Variants in XPO6 observed in about 807,000 individuals in gnomAD.
XPO6 encodes exportin-6.
Under a neutral mutation model 130.0 loss-of-function variants are expected in XPO6, and 3 were observed. That is an observed-to-expected ratio of 0.02 (90% CI 0.01 to 0.06). XPO6 has a LOEUF of 0.06. Among genes scored for constraint, XPO6 ranks in the 10% least tolerant of loss-of-function variants. The pLI, the probability that XPO6 is intolerant of heterozygous loss-of-function variation, is 1.00. For missense variants in XPO6, 970 were observed against 1,393.0 expected (o/e 0.70, Z 4.83); for synonymous variants, 524 against 548.9 (o/e 0.95, Z 0.63).
intron 21 of XPO6, among the ~76,000 whole-genome samples, chr16:28,103,837 T>A (rs200341768): frequency 6.6e-6 from 1 of 152,126 alleles, no homozygotes; most frequent in East Asian, 1.9e-4. Context: ...TGTGTGCTAG[T>A]AGGGAGCTGG....
At chr16:28,176,211 G>A in intron 3 of XPO6, 116 bp from the exon 4 acceptor site, 1 of 923,902 alleles carries the variant, frequency 1.1e-6, no homozygotes, top group East Asian at 2.6e-5. Context: ...TTAAATAAAG[G>A]TTTGGGGCAA....
intron 12 of XPO6, among the ~76,000 whole-genome samples, chr16:28,129,152 T>C (rs868311129): frequency 6.6e-5 from 10 of 152,356 alleles, no homozygotes; most frequent in Middle Eastern, 3.4e-3. Flanking sequence ...CACATATGTG[T>C]ATCTAAGATC....
At chr16:28,208,293 C>T (rs771956743) in intron 1 of XPO6, among the ~76,000 whole-genome samples, 1 of 152,222 alleles carries the variant, frequency 6.6e-6, no homozygotes, top group Non-Finnish European at 1.5e-5. Context: ...AGGGCTCAAA[C>T]TTATGCCAAC....
chr16:28,152,555 A>G, intron 8 of XPO6, 104 bp downstream of exon 8: 2 of 1,372,762 alleles, frequency 1.5e-6, no homozygotes, highest in South Asian at 1.4e-5. Flanking sequence ...TAAGCATTAT[A>G]TTAATGTTTG....
At chr16:28,169,486 C>A (rs1487836262) in intron 5 of XPO6, among the ~76,000 whole-genome samples, 1 of 152,180 alleles carries the variant, frequency 6.6e-6, no homozygotes, top group Non-Finnish European at 1.5e-5. Context: ...TAGGTATACT[C>A]CTATGACCTG....
chr16:28,117,802 C>T (rs145505564), intron 14 of XPO6, among the ~76,000 whole-genome samples: 4 of 152,172 alleles, frequency 2.6e-5, no homozygotes, highest in Admixed American at 1.3e-4. Context: ...AGAACTAGTA[C>T]AAATTTAACA....
Position 28,156,531 on chromosome 16 carries a change from A to G in XPO6, c.644-4T>C, listed in dbSNP as rs2043186730. Reference sequence around the variant, plus strand: ...AACAGGTTACTCAGTAAGTCACCTGAAAATAAGAAAGGCTTTTAAGCTATC... The same window carrying G: ...AACAGGTTACTCAGTAAGTCACCTGGAAATAAGAAAGGCTTTTAAGCTATC... On this transcript the variant is annotated splice_region_variant and splice_polypyrimidine_tract_variant and intron_variant, in intron 6 of 23. Coordinates refer to ENST00000304658, the MANE Select transcript of XPO6 (RefSeq NM_015171.4). 1 of 1,531,548 alleles carries G rather than the reference A, an allele frequency of 6.5e-7. No individual in the cohort carries two copies. Among genetic ancestry groups the G allele is most frequent in the Admixed American group, 2.1e-5 (1 of 47,118 alleles). The allele number at this position is 1,531,548 out of a possible 1,614,324, so 94.9% of individuals were successfully genotyped here.
In XPO6 at chr16:28,157,130, C is replaced by CA. The variant is rs1241771480; in HGVS notation, c.644-604dup. Among the ~76,000 whole-genome samples the CA allele has an allele frequency of 7.9e-5, 12 of 152,180 alleles. No homozygotes were observed. The East Asian group carries it at 2.3e-3, about 29-fold the overall frequency. ...AAACTACCAAAAAAGAAAACCTTAA[C>CA]AAAAAATACTGAGGAATATAACAAA... On this transcript the variant is annotated intron_variant, in intron 6 of 23. Coordinates refer to ENST00000304658, the MANE Select transcript of XPO6 (RefSeq NM_015171.4).
intron 9 of XPO6, among the ~76,000 whole-genome samples, chr16:28,144,846 A>G (rs2042955986): frequency 6.6e-6 from 1 of 152,222 alleles, no homozygotes; most frequent in Admixed American, 6.5e-5. Context: ...AAGCTTCCAC[A>G]GGCTAAGTAC....
intron 1 of XPO6, among the ~76,000 whole-genome samples, chr16:28,202,426 G>C (rs1240677024): frequency 6.6e-6 from 1 of 152,164 alleles, no homozygotes; most frequent in Non-Finnish European, 1.5e-5. Flanking sequence ...GCAGAACCTG[G>C]AAGAGAGGAC....
intron 13 of XPO6, among the ~76,000 whole-genome samples, chr16:28,123,461 C>T (rs1328949317): frequency 1.3e-5 from 2 of 152,178 alleles, no homozygotes; most frequent in African/African-American, 4.8e-5. Context: ...TGGCTAGTTT[C>T]TCTCTGCCTA....
At position 28,211,506 on chromosome 16, in the gene XPO6, C is replaced by A. The variant is rs906651425; in HGVS notation, c.-138G>T. 4.8e-6 allele frequency: 5 copies of A among 1,035,956 alleles called. No homozygotes were observed. The highest frequency in any genetic ancestry group is 6.3e-6 in the Non-Finnish European group (5 of 793,280). 64.2% of individuals were successfully genotyped at this position (1,035,956 alleles called of 1,614,324 possible). ...AAAGACAACCCCTTCCCCACCGGGCCCCGAGGGGACCCTCTAAAAAGGGCA... is the reference window on the plus strand; with the variant it reads ...AAAGACAACCCCTTCCCCACCGGGCACCGAGGGGACCCTCTAAAAAGGGCA... On this transcript the variant is annotated 5_prime_UTR_variant, in exon 1 of 24. Coordinates refer to ENST00000304658, the MANE Select transcript of XPO6 (RefSeq NM_015171.4).
chr16:28,119,120 A>T (rs2087157083), intron 14 of XPO6, among the ~76,000 whole-genome samples: 1 of 152,030 alleles, frequency 6.6e-6, no homozygotes, highest in Non-Finnish European at 1.5e-5. Context: ...GGCTCAAGCA[A>T]TTCTCCTGGC....
chr16:28,194,229 T>TA (rs200387523), intron 1 of XPO6, among the ~76,000 whole-genome samples: 10 of 150,900 alleles, frequency 6.6e-5, no homozygotes, highest in Admixed American at 2.0e-4. Context: ...TCAATGAGCT[T>TA]AAAAAAAAAG....
Position 28,149,889 on chromosome 16 carries a change from C to T in XPO6, c.1224+2770G>A, listed in dbSNP as rs569909280. Among the ~76,000 whole-genome samples, 16 of 152,298 alleles carry T rather than the reference C, an allele frequency of 1.1e-4. No homozygotes were observed. The South Asian group carries it at 3.3e-3, about 32-fold the overall frequency. On this transcript the variant is annotated intron_variant, in intron 8 of 23. Transcript: ENST00000304658. ...GAGAAAGACACATTTTCCCACATTA[C>T]AGGTAATAAAGCTATGAGAGAGTAA...
Position 28,101,057 on chromosome 16 carries a change from G to T in XPO6, c.3276+401C>A. The T allele has an allele frequency of 3.3e-6, 1 of 305,392 alleles. No individual in the cohort carries two copies. The highest frequency in any genetic ancestry group is 2.8e-5 in the South Asian group (1 of 35,150). The allele number at this position is 305,392 out of a possible 1,614,324, so 18.9% of individuals were successfully genotyped here. A position where few individuals can be genotyped will look rare whatever the true frequency, so the allele number is the denominator to read the frequency against. On this transcript the variant is annotated intron_variant, in intron 23 of 23. Transcript: ENST00000304658. The surrounding 1 kb of genome is among the most constrained non-coding windows in gnomAD (Gnocchi z 5.4). ...CACCTCTAACCCTGGGGACCCAGAA[G>T]TGCAGCTCCCAAGCACCAACCATCT...
At chr16:28,199,344 G>A (rs879896674) in intron 1 of XPO6, among the ~76,000 whole-genome samples, 4 of 152,068 alleles carry the variant, frequency 2.6e-5, no homozygotes, top group Non-Finnish European at 5.9e-5. Flanking sequence ...CAAAGCACTT[G>A]GCTCACTACA....
intron 23 of XPO6, among the ~76,000 whole-genome samples, chr16:28,100,488 T>C (rs893891459): frequency 1.3e-5 from 2 of 152,124 alleles, no homozygotes; most frequent in Non-Finnish European, 2.9e-5. Context: ...GAGAACAGGA[T>C]GAGTCTAAGC....
intron 1 of XPO6, among the ~76,000 whole-genome samples, chr16:28,187,907 T>C (rs536727693): frequency 6.6e-6 from 1 of 152,060 alleles, no homozygotes; most frequent in South Asian, 2.1e-4. Context: ...GCAGATTCAA[T>C]CTGTGTTGAA....
Sources: allele counts gnomAD v4.1 joint callset (sites outside exome capture counted in the v4.1 genomes callset), GRCh38; gene constraint gnomAD v4.1.1; non-coding constraint Gnocchi (gnomAD v3.1); transcripts MANE v1.5; gene names NCBI Gene and HGNC (gene_info 2026-07-23, HGNC 2026-07-21).